The following TRPC5 variants were observed in gnomAD, a reference collection of about 807,000 sequenced individuals.
The protein encoded by TRPC5 is short transient receptor potential channel 5.
Under a neutral mutation model 56.5 loss-of-function variants are expected in TRPC5, and 9 were observed. The ratio of observed to expected loss-of-function variants is 0.16; its 90% confidence interval spans 0.10 to 0.28. The LOEUF is 0.28. Ranked by LOEUF, TRPC5 falls within the 10% of genes least tolerant of loss-of-function variation. TRPC5 has a pLI of 1.00. For missense variants in TRPC5, 469 were observed against 748.9 expected, an observed-to-expected ratio of 0.63 and a Z score of 4.36; for synonymous variants, 282 against 278.5, an observed-to-expected ratio of 1.01 and a Z score of -0.13.
chrX:111,855,301 A>T (rs918657943), intron 3 of TRPC5, among the ~76,000 whole-genome samples: 9 of 111,174 alleles, frequency 8.1e-5, no homozygotes, highest in African/African-American at 2.9e-4. Flanking sequence ...CACATGACTA[A>T]CTTCTCACTG....
chrX:111,937,872 A>G (rs1294211581), intron 2 of TRPC5, among the ~76,000 whole-genome samples: 3 of 106,634 alleles, frequency 2.8e-5, no homozygotes, highest in African/African-American at 1.0e-4. Context: ...GTTTTTTCCA[A>G]TTCTGCGAAG....
chrX:111,980,439 T>G (rs1045497584), intron 1 of TRPC5, among the ~76,000 whole-genome samples: 64 of 111,450 alleles, frequency 5.7e-4, no homozygotes, highest in African/African-American at 1.9e-3. Flanking sequence ...AATTTTACAC[T>G]TTATGTGCAG....
At chrX:112,030,353 G>A (rs1351521810) in intron 1 of TRPC5, among the ~76,000 whole-genome samples, 1 of 112,313 alleles carries the variant, frequency 8.9e-6, no homozygotes, top group Non-Finnish European at 1.9e-5. Context: ...CTTGCCCGAA[G>A]TCCATAGCTA....
intron 1 of TRPC5, among the ~76,000 whole-genome samples, chrX:112,015,382 G>A (rs938588741): frequency 9.2e-6 from 1 of 108,819 alleles, no homozygotes; most frequent in Non-Finnish European, 1.9e-5. Flanking sequence ...AAAGAATCTG[G>A]ATTTTTTTTT....
intron 1 of TRPC5, among the ~76,000 whole-genome samples, chrX:111,994,914 GCTAATTGAATACCCTTTATTTC>G (rs1928478126): frequency 9.0e-6 from 1 of 111,499 alleles, no homozygotes; most frequent in Non-Finnish European, 1.9e-5. Context: ...TTGCCTGATT[GCTAATTGAATACCCTTTATTTC>G]CTAATTGAAT....
rs1248667187 is a variant in TRPC5, at chrX:111,852,394, A to G, written c.1281T>C (p.Phe427=). 1 of 1,210,027 alleles carries G rather than the reference A, an allele frequency of 8.3e-7. No individual in the cohort carries two copies. The highest frequency in any genetic ancestry group is 1.1e-6 in the Non-Finnish European group (1 of 894,598). Residue 427 remains phenylalanine, a synonymous_variant, in exon 5 of 11, where the codon TTT becomes TTC. Coordinates refer to ENST00000262839, the MANE Select transcript of TRPC5 (RefSeq NM_012471.3). Reference sequence around the variant, plus strand: ...TCCACCAGTCATGGATGTATTCAGTAAATCCACCATCCCACATTTCCTTAA... The same window carrying G: ...TCCACCAGTCATGGATGTATTCAGTGAATCCACCATCCCACATTTCCTTAA... ...GEIKEMWDGG[F]TEYIHDWWNL...
intron 1 of TRPC5, among the ~76,000 whole-genome samples, chrX:112,048,399 C>CAAAAAAA (rs58537492): frequency 0.04 from 869 of 21,468 alleles, 92 homozygotes; most frequent in African/African-American, 0.063. Flanking sequence ...GACTCCGTAT[C>CAAAAAAA]AAAAAAAAAA....
chrX:111,933,252 C>T (rs1926471933), intron 2 of TRPC5, among the ~76,000 whole-genome samples: 1 of 111,596 alleles, frequency 9.0e-6, no homozygotes, highest in Non-Finnish European at 1.9e-5. Context: ...GAATTTTGCA[C>T]TGATGTTTCA....
At chrX:111,923,499 A>C (rs984324208) in intron 2 of TRPC5, among the ~76,000 whole-genome samples, 1 of 112,231 alleles carries the variant, frequency 8.9e-6, no homozygotes, top group African/African-American at 3.2e-5. Flanking sequence ...TTTTTGTCAC[A>C]GTTTAATGAA....
chrX:111,944,303 T>TGTGTGTGAGAAAGA, intron 2 of TRPC5, among the ~76,000 whole-genome samples: 1 of 61,374 alleles, frequency 1.6e-5, no homozygotes, highest in African/African-American at 1.1e-4. Context: ...TGTGTGTGTG[T>TGTGTGTGAGAAAGA]GAGAGAGAGA....
At chrX:111,840,462 A>G (rs12844794) in intron 6 of TRPC5, among the ~76,000 whole-genome samples, 1 of 112,732 alleles carries the variant, frequency 8.9e-6, no homozygotes, top group Non-Finnish European at 1.9e-5. Flanking sequence ...GACAGGAAAA[A>G]AAGTCTGTAC....
In TRPC5 at chrX:111,774,862, A is replaced by C. The variant is rs1222411591; in HGVS notation, c.*1451T>G. 9.0e-6 allele frequency: 1 copy of C among 110,619 alleles called. No homozygotes were observed. Among genetic ancestry groups the C allele is most frequent in the Non-Finnish European group, 1.9e-5 (1 of 52,888 alleles). 9.1% of individuals were successfully genotyped at this position (110,619 alleles called of 1,213,427 possible). Reference sequence around the variant, plus strand: ...ATTTTACTTTTCTGGGCTACACACTATTTATGTAATCTCTAGGACTCAGAC... The same window carrying C: ...ATTTTACTTTTCTGGGCTACACACTCTTTATGTAATCTCTAGGACTCAGAC... On this transcript the variant is annotated 3_prime_UTR_variant, in exon 11 of 11. Transcript: ENST00000262839.
At chrX:112,070,251 C>T (rs1169897126) in intron 1 of TRPC5, among the ~76,000 whole-genome samples, 1 of 111,917 alleles carries the variant, frequency 8.9e-6, no homozygotes, top group Admixed American at 9.5e-5. Flanking sequence ...AAAGTCATGA[C>T]TTAACTCACC....
rs939388037 is a variant in TRPC5, at chrX:111,771,961, G to A, written c.*4352C>T. Among the ~76,000 whole-genome samples the A allele has an allele frequency of 9.0e-6, 1 of 110,570 alleles. No individual in the cohort carries two copies. The highest frequency in any genetic ancestry group is 1.9e-5 in the Non-Finnish European group (1 of 52,917). ...CTAGTAATTACCTAAAGGGATAAAG[G>A]GCCAAGGGCAGAACCATCAAATGCT... On this transcript the variant is annotated 3_prime_UTR_variant, in exon 11 of 11. Coordinates refer to ENST00000262839, the MANE Select transcript of TRPC5 (RefSeq NM_012471.3).
At chrX:112,023,983 A>T (rs763541778) in intron 1 of TRPC5, among the ~76,000 whole-genome samples, 2 of 111,150 alleles carry the variant, frequency 1.8e-5, no homozygotes, top group Non-Finnish European at 3.8e-5. Flanking sequence ...GGTGCCTTCA[A>T]TCTCTAGAAA....
At chrX:111,840,332 C>CATCTTT (rs1922693968) in intron 6 of TRPC5, among the ~76,000 whole-genome samples, 1 of 111,790 alleles carries the variant, frequency 8.9e-6, no homozygotes, top group African/African-American at 3.3e-5. Context: ...TGGCCCATTC[C>CATCTTT]ATATACTTTA....
In TRPC5 at chrX:111,996,008, T is replaced by C. The variant is rs1455930689; in HGVS notation, c.-21-43567A>G. ...TTCACTTCTGCTCTGATCTTAGTTA[T>C]TTCTTGCCTTCTGCTAGCTTTTGCA... On this transcript the variant is annotated intron_variant, in intron 1 of 10. Coordinates refer to ENST00000262839, the MANE Select transcript of TRPC5 (RefSeq NM_012471.3). Among the ~76,000 whole-genome samples the C allele has an allele frequency of 2.7e-5, 3 of 110,871 alleles. No homozygotes were observed. The South Asian group carries it at 1.2e-3, about 43-fold the overall frequency.
At chrX:111,948,732 CAAA>C (rs78704592) in intron 2 of TRPC5, among the ~76,000 whole-genome samples, 2 of 75,143 alleles carry the variant, frequency 2.7e-5, no homozygotes, top group Non-Finnish European at 2.7e-5. Context: ...ACTCCAACTC[CAAA>C]AAAAAAAAAA....
chrX:111,934,196 C>T (rs887845774), intron 2 of TRPC5, among the ~76,000 whole-genome samples: 3 of 108,609 alleles, frequency 2.8e-5, no homozygotes, highest in Admixed American at 9.9e-5. Flanking sequence ...AATTCTTTCC[C>T]GAACCAGTGC....
Sources: allele counts gnomAD v4.1 joint callset (sites outside exome capture counted in the v4.1 genomes callset), GRCh38; gene constraint gnomAD v4.1.1; transcripts MANE v1.5; gene names NCBI Gene and HGNC (gene_info 2026-07-23, HGNC 2026-07-21).